Variants in REV1 observed in about 807,000 individuals in gnomAD.
The protein encoded by REV1 is REV1 DNA directed polymerase, also known as translesion synthesis protein REV1.
A neutral mutation model predicts 137.4 loss-of-function variants in REV1; 42 were observed. The observed-to-expected ratio is 0.31, with a 90% CI of 0.24 to 0.40. The LOEUF is 0.40. Among genes scored for constraint, REV1 ranks in the 10% least tolerant of loss-of-function variants. The probability of loss-of-function intolerance (pLI) is 1.00; values close to 1 mark genes in which losing one functional copy is unlikely to be tolerated. For missense variants in REV1, 1,282 were observed against 1,490.1 expected, an observed-to-expected ratio of 0.86 and a Z score of 2.30; for synonymous variants, 524 against 519.2, an observed-to-expected ratio of 1.01 and a Z score of -0.12.
intron 21 of REV1, 117 bp from the exon 22 acceptor site, chr2:99,402,463 G>A (rs989274076): frequency 1.2e-6 from 1 of 803,212 alleles, no homozygotes; most frequent in Non-Finnish European, 2.0e-6. Context: ...AGCTATCAAA[G>A]GAATGGGCTT....
intron 4 of REV1, among the ~76,000 whole-genome samples, chr2:99,449,014 C>T (rs764584016): frequency 3.3e-5 from 5 of 152,106 alleles, no homozygotes; most frequent in African/African-American, 7.2e-5. Flanking sequence ...AAAGGCCATG[C>T]GCAGTGGTTG....
intron 21 of REV1, 29 bp from the exon 22 acceptor site, chr2:99,402,375 G>A (rs1260113403): frequency 1.8e-6 from 2 of 1,116,868 alleles, no homozygotes; most frequent in Non-Finnish European, 2.6e-6. Context: ...TTCAAATGAG[G>A]ACCAGTCTTT....
At chr2:99,458,880 T>C (rs1421770369) in intron 3 of REV1, among the ~76,000 whole-genome samples, 1 of 151,974 alleles carries the variant, frequency 6.6e-6, no homozygotes, top group African/African-American at 2.4e-5. Flanking sequence ...AGAACAGAAG[T>C]GGGTGTGACT....
At chr2:99,457,301 G>A (rs1255816391) in intron 3 of REV1, among the ~76,000 whole-genome samples, 1 of 152,178 alleles carries the variant, frequency 6.6e-6, no homozygotes, top group Non-Finnish European at 1.5e-5. Context: ...TAGTAAAGAT[G>A]TCAATTCTCC....
At chr2:99,452,933 G>A (rs1222682768) in intron 3 of REV1, among the ~76,000 whole-genome samples, 2 of 152,200 alleles carry the variant, frequency 1.3e-5, no homozygotes, top group African/African-American at 4.8e-5. Context: ...TTGGATTTCA[G>A]GCAAGTTATT....
chr2:99,454,561 A>C (rs1683312177), intron 3 of REV1, among the ~76,000 whole-genome samples: 1 of 136,236 alleles, frequency 7.3e-6, no homozygotes, highest in East Asian at 2.1e-4. Flanking sequence ...AAAAAAAAAA[A>C]AAAAAAAAAA....
chr2:99,456,262 G>T (rs1168945512), intron 3 of REV1, among the ~76,000 whole-genome samples: 1 of 152,182 alleles, frequency 6.6e-6, no homozygotes, highest in African/African-American at 2.4e-5. Context: ...TCTACAATGT[G>T]CCAGGCAAGG....
intron 6 of REV1, among the ~76,000 whole-genome samples, chr2:99,436,991 T>C (rs528268700): frequency 2.1e-3 from 201 of 97,006 alleles, no homozygotes; most frequent in Middle Eastern, 9.6e-3. Context: ...TTTTTTTTTG[T>C]TTTTTTTTTT....
rs139932477 is a variant in REV1, at chr2:99,482,448, T to C, written c.-11+7369A>G. ...AACTCCGAAAGTTGTAGCCAGTTGG[T>C]CAGAGTGTGGATAACCTGCAAGTCC... is the stretch of plus-strand genomic sequence containing the variant. On this transcript the variant is annotated intron_variant, in intron 1 of 22. Coordinates refer to ENST00000258428, the MANE Select transcript of REV1 (RefSeq NM_016316.4). Among the ~76,000 whole-genome samples, 151 of 152,312 alleles carry C rather than the reference T, an allele frequency of 9.9e-4. 3 individuals carry two copies. In the East Asian group the frequency reaches 0.018, roughly 18 times the overall value.
rs1559321817 is a variant in REV1 at position 99,424,262 on chromosome 2, G to A, written c.1566C>T (p.Asn522=). The change falls in exon 10 of 23, where the codon AAC becomes AAT. Residue 522 remains asparagine, a synonymous_variant. Coordinates refer to ENST00000258428, the MANE Select transcript of REV1 (RefSeq NM_016316.4). ...GTTTAGCATGCCCAAAAAACATTCC[G>A]TTCTTAATGCCAAGTTGCCTAGAGC... The part of the protein sequence containing the change: ...SYEARQLGIK[N]GMFFGHAKQL... 3.1e-6 allele frequency: 5 copies of A among 1,613,576 alleles called. No homozygotes were observed. Among genetic ancestry groups the A allele is most frequent in the Non-Finnish European group, 4.2e-6 (5 of 1,179,790 alleles).
chr2:99,403,203 G>T, intron 19 of REV1, 97 bp from the exon 20 acceptor site: 3 of 1,030,660 alleles, frequency 2.9e-6, no homozygotes, highest in South Asian at 1.7e-5. Context: ...AATACAACAG[G>T]CTCCCTAGCC....
chr2:99,483,993 C>A (rs531060538), intron 1 of REV1, among the ~76,000 whole-genome samples: 24 of 152,120 alleles, frequency 1.6e-4, no homozygotes, highest in Admixed American at 1.2e-3. Context: ...ATTAAAAAAG[C>A]CTTGCAAGGA....
At chr2:99,428,221 A>G (rs1679637438) in intron 9 of REV1, among the ~76,000 whole-genome samples, 1 of 152,070 alleles carries the variant, frequency 6.6e-6, no homozygotes, top group Admixed American at 6.5e-5. Flanking sequence ...GCTTCATCAC[A>G]CCCTCCAGAT....
At chr2:99,468,111 C>T (rs1273757587) in intron 1 of REV1, among the ~76,000 whole-genome samples, 2 of 151,026 alleles carry the variant, frequency 1.3e-5, no homozygotes, top group South Asian at 2.1e-4. Flanking sequence ...ACCCGGGAGG[C>T]GGAGGTTGCG....
intron 21 of REV1, 135 bp from the exon 22 acceptor site, chr2:99,402,481 T>A: frequency 1.2e-6 from 1 of 859,462 alleles, no homozygotes; most frequent in Non-Finnish European, 1.8e-6. Flanking sequence ...CTTTGTTACT[T>A]TTCAAAGCAA....
intron 12 of REV1, among the ~76,000 whole-genome samples, chr2:99,413,185 A>T (rs1470316665): frequency 6.6e-6 from 1 of 152,238 alleles, no homozygotes; most frequent in Admixed American, 6.5e-5. Flanking sequence ...GATGAACCAG[A>T]AACTTTTAAA....
At chr2:99,475,443 G>A (rs1367474961) in intron 1 of REV1, among the ~76,000 whole-genome samples, 1 of 152,138 alleles carries the variant, frequency 6.6e-6, no homozygotes, top group African/African-American at 2.4e-5. Flanking sequence ...ATATTTAGGA[G>A]CACAGGTCTT....
At chr2:99,414,578 T>TG (rs1359905320) in intron 12 of REV1, among the ~76,000 whole-genome samples, 10 of 152,232 alleles carry the variant, frequency 6.6e-5, no homozygotes, top group African/African-American at 2.4e-4. Flanking sequence ...ATTACATACT[T>TG]GGGTTTGTCA....
At chr2:99,424,606 T>C (rs1021608093) in intron 9 of REV1, 25 of 501,470 alleles carry the variant, frequency 5.0e-5, no homozygotes, top group African/African-American at 4.6e-4. Context: ...GCTGGTGATA[T>C]CACAACCACC....
Sources: gnomAD v4.1 joint callset for allele counts (sites outside exome capture counted in the v4.1 genomes callset) on GRCh38, gnomAD v4.1.1 for gene constraint, MANE v1.5 for transcripts, NCBI Gene and HGNC (gene_info 2026-07-23, HGNC 2026-07-21) for gene names.